WDFY3: variants seen among roughly 807,000 people sequenced by gnomAD.
WDFY3 encodes the protein WD repeat and FYVE domain containing 3, also known as WD repeat and FYVE domain-containing protein 3.
In WDFY3, 66 loss-of-function variants were observed where a neutral mutation model predicts 409.6. That is an observed-to-expected ratio of 0.16 (90% CI 0.13 to 0.20). The LOEUF is 0.20. Ranked by LOEUF, WDFY3 falls within the 10% of genes least tolerant of loss-of-function variation. The pLI is 1.00. For missense variants in WDFY3, 3,031 were observed against 4,298.1 expected, an observed-to-expected ratio of 0.71 and a Z score of 8.24; for synonymous variants, 1,521 against 1,537.1, an observed-to-expected ratio of 0.99 and a Z score of 0.25.
At chr4:84,810,387 T>TAA in intron 13 of WDFY3, 43 bp from the exon 14 acceptor site, 5 of 1,032,214 alleles carry the variant, frequency 4.8e-6, no homozygotes, top group South Asian at 2.0e-5. Flanking sequence ...TACACATAAT[T>TAA]CAAAAAAAAA....
intron 3 of WDFY3, among the ~76,000 whole-genome samples, chr4:84,896,411 A>G (rs1056197482): frequency 3.7e-4 from 56 of 152,272 alleles, no homozygotes; most frequent in African/African-American, 1.3e-3. Flanking sequence ...GAGACCCTCA[A>G]TTTCAAGGAA....
chr4:84,885,330 A>ATACATATG (rs1764060945), intron 3 of WDFY3, among the ~76,000 whole-genome samples: 1 of 145,552 alleles, frequency 6.9e-6, no homozygotes. Context: ...ACATATACAT[A>ATACATATG]TGTGTGTGTG....
chr4:84,675,794 A>C (rs185990864), intron 67 of WDFY3, among the ~76,000 whole-genome samples: 131 of 152,334 alleles, frequency 8.6e-4, no homozygotes, highest in Non-Finnish European at 1.6e-3. Flanking sequence ...TGTCTGGCAG[A>C]AAAAGTAACG....
intron 51 of WDFY3, among the ~76,000 whole-genome samples, chr4:84,710,377 T>G (rs1195917230): frequency 3.3e-5 from 5 of 152,202 alleles, no homozygotes; most frequent in Non-Finnish European, 5.9e-5. Context: ...ATTACTTTTT[T>G]GGGGACAGCA....
chr4:84,839,532 C>G (rs1757040620), intron 6 of WDFY3, among the ~76,000 whole-genome samples: 1 of 150,930 alleles, frequency 6.6e-6, no homozygotes, highest in Non-Finnish European at 1.5e-5. Context: ...AACACCAGGA[C>G]AGGTTGGTTA....
At chr4:84,844,434 C>T (rs1757799812) in intron 5 of WDFY3, 4 of 1,287,772 alleles carry the variant, frequency 3.1e-6, no homozygotes, top group Middle Eastern at 4.3e-4. Context: ...AATATATAAC[C>T]ACATCTTGGG....
At position 84,724,401 on chromosome 4, in the gene WDFY3, A is replaced by C. The variant is rs770631128; in HGVS notation, c.7441+25T>G. 3 of 1,583,454 alleles carry C rather than the reference A, an allele frequency of 1.9e-6. No homozygotes were observed. In the East Asian group the frequency reaches 6.8e-5, roughly 36 times the overall value. Reference sequence around the variant, plus strand: ...CAAGAATGTTCCAAAATCACTTTTAATCAAAATCAAAAAGGCAGGCTGACC... The same window carrying C: ...CAAGAATGTTCCAAAATCACTTTTACTCAAAATCAAAAAGGCAGGCTGACC... On this transcript the variant is annotated intron_variant, in intron 46 of 67. Coordinates refer to ENST00000295888, the MANE Select transcript of WDFY3 (RefSeq NM_014991.6).
chr4:84,758,478 T>C (rs538180920), intron 32 of WDFY3, among the ~76,000 whole-genome samples: 1 of 152,230 alleles, frequency 6.6e-6, no homozygotes, highest in Non-Finnish European at 1.5e-5. Flanking sequence ...AAACTCCTAG[T>C]GTCAAATGAT....
chr4:84,937,932 A>AT (rs1224215099), intron 1 of WDFY3, among the ~76,000 whole-genome samples: 5 of 152,106 alleles, frequency 3.3e-5, no homozygotes, highest in South Asian at 2.1e-4. Context: ...CCCCCAGTAC[A>AT]TTTTTCCCCA....
At chr4:84,920,372 A>C (rs1179549460) in intron 2 of WDFY3, among the ~76,000 whole-genome samples, 1 of 152,200 alleles carries the variant, frequency 6.6e-6, no homozygotes, top group Non-Finnish European at 1.5e-5. Context: ...AAATCTACAC[A>C]AAAACATTTA....
At chr4:84,876,586 T>C in intron 3 of WDFY3, among the ~76,000 whole-genome samples, 1 of 152,324 alleles carries the variant, frequency 6.6e-6, no homozygotes, top group South Asian at 2.1e-4. Flanking sequence ...TAAATGGTTA[T>C]TTATTCCCAT....
intron 3 of WDFY3, among the ~76,000 whole-genome samples, chr4:84,878,055 T>C (rs1294619993): frequency 1.3e-5 from 2 of 152,226 alleles, no homozygotes; most frequent in African/African-American, 4.8e-5. Flanking sequence ...CCATTTTTGT[T>C]AAGATTGTTG....
In WDFY3 at chr4:84,793,374, T is replaced by C. The variant is rs190781645; in HGVS notation, c.3487+1145A>G. Among the ~76,000 whole-genome samples the C allele has an allele frequency of 1.2e-3, 184 of 152,294 alleles. 1 individual carries two copies. Among genetic ancestry groups the C allele is most frequent in the Admixed American group, 9.6e-3 (147 of 15,296 alleles). On this transcript the variant is annotated intron_variant, in intron 21 of 67. Transcript: ENST00000295888. ...TATTGGAATACTGTTCATATGGAGA[T>C]GTCTAATATGCAGCTGGAAATATGA...
At chr4:84,930,513 G>A (rs754658947) in intron 2 of WDFY3, among the ~76,000 whole-genome samples, 9 of 152,238 alleles carry the variant, frequency 5.9e-5, no homozygotes, top group Non-Finnish European at 1.2e-4. Context: ...AAGCTAGTAC[G>A]TGGCGATGCC....
Position 84,679,111 on chromosome 4 carries a change from T to G in WDFY3, c.9955A>C (p.Thr3319Pro). 6.2e-7 allele frequency: 1 copy of G among 1,614,208 alleles called. No homozygotes were observed. Residue 3319 changes from threonine (T) to proline (P), a missense_variant, in exon 65 of 68, where the codon ACA becomes CCA. Physicochemically the swap from Thr to Pro is conservative, Grantham distance 38 (BLOSUM62 -1). Coordinates refer to ENST00000295888, the MANE Select transcript of WDFY3 (RefSeq NM_014991.6). The part of the protein sequence containing the change: ...HRPRAASCRA[T>P]AAWCTDSGSD... ...CCACTGTCAGTACACCAGGCGGCTG[T>G]TGCGCGGCAGGAGGCTGCCCGGGGC...
rs747070233 is a variant in WDFY3 at position 84,679,117 on chromosome 4, G to A, written c.9949C>T (p.Arg3317Cys). The A allele has an allele frequency of 8.7e-6, 14 of 1,614,086 alleles. No individual in the cohort carries two copies. The highest frequency in any genetic ancestry group is 3.3e-5 in the Admixed American group (2 of 60,004). Residue 3317 changes from arginine (R) to cysteine (C), a missense_variant, in exon 65 of 68, where the codon CGC becomes TGC. Arg to Cys is a radical substitution (Grantham distance 180, BLOSUM62 -3). This residue lies in a region of WDFY3 where 378 missense variants were observed against 477.3 expected (regional missense o/e 0.79). Transcript: ENST00000295888. The stretch of plus-strand genomic sequence containing the variant: ...TCAGTACACCAGGCGGCTGTTGCGC[G>A]GCAGGAGGCTGCCCGGGGCCTGTGG... ...TSHRPRAASC[R>C]ATAAWCTDSG...
rs1422974405 is a variant in WDFY3, at chr4:84,885,328, ATATGTGTG to A, written c.-32+11575_-32+11582del. Among the ~76,000 whole-genome samples, 11 of 80,960 alleles carry A rather than the reference ATATGTGTG, an allele frequency of 1.4e-4. No individual in the cohort carries two copies. The East Asian group carries it at 1.5e-3, about 11-fold the overall frequency. 53.1% of individuals were successfully genotyped at this position (80,960 alleles called of 152,430 possible). A position where few individuals can be genotyped will look rare whatever the true frequency, so the allele number is the denominator to read the frequency against. Reference sequence around the variant, plus strand: ...CAAATATATACATACATACATATACATATGTGTGTGTGTGTGTGTGTGTGTGTGTGTGT... The same window carrying A: ...CAAATATATACATACATACATATACATGTGTGTGTGTGTGTGTGTGTGTGT... On this transcript the variant is annotated intron_variant, in intron 3 of 67. Coordinates refer to ENST00000295888, the MANE Select transcript of WDFY3 (RefSeq NM_014991.6).
chr4:84,843,464 G>A (rs913417446), intron 5 of WDFY3, among the ~76,000 whole-genome samples: 5 of 151,970 alleles, frequency 3.3e-5, no homozygotes, highest in East Asian at 3.9e-4. Context: ...GCACGATCAC[G>A]GCTTACTGCA....
intron 3 of WDFY3, among the ~76,000 whole-genome samples, chr4:84,880,670 CATACATATATATATATATATATATATAT>C (rs1478220584): frequency 1.8e-5 from 1 of 55,204 alleles, no homozygotes; most frequent in African/African-American, 8.1e-5. Context: ...ATAAGGGAAC[CATACATATATATATATATATATATATAT>C]ATATATATAT....
Sources: allele counts gnomAD v4.1 joint callset (sites outside exome capture counted in the v4.1 genomes callset), GRCh38; gene constraint gnomAD v4.1.1; regional missense constraint gnomAD v4.1.1; transcripts MANE v1.5; gene names NCBI Gene and HGNC (gene_info 2026-07-23, HGNC 2026-07-21).